The following GRM7 variants were observed in gnomAD, a reference collection of about 807,000 sequenced individuals.
The protein encoded by GRM7 is metabotropic glutamate receptor 7.
GRM7 carries 35 observed loss-of-function variants against 84.5 expected under a neutral mutation model. The observed-to-expected ratio is 0.41, with a 90% CI of 0.32 to 0.55. GRM7 has a LOEUF of 0.55. GRM7 is among the 20% of genes least tolerant of loss of function. The probability of loss-of-function intolerance (pLI) is 0.19; values close to 1 mark genes in which losing one functional copy is unlikely to be tolerated. For synonymous variants in GRM7, 487 were observed against 455.1 expected, an observed-to-expected ratio of 1.07 and a Z score of -0.89; for missense variants, 1,003 against 1,194.6, an observed-to-expected ratio of 0.84 and a Z score of 2.36.
intron 1 of GRM7, among the ~76,000 whole-genome samples, chr3:7,051,569 C>T (rs1697000326): frequency 6.6e-6 from 1 of 151,758 alleles, no homozygotes; most frequent in Non-Finnish European, 1.5e-5. Context: ...ACTCAAATTA[C>T]TGATGAAGGA....
chr3:7,224,845 A>C (rs1010319439), intron 2 of GRM7, among the ~76,000 whole-genome samples: 3 of 152,242 alleles, frequency 2.0e-5, no homozygotes, highest in Admixed American at 6.5e-5. Context: ...GAATGCGTGC[A>C]CCTAAGTCAC....
chr3:7,029,277 C>G (rs983690047), intron 1 of GRM7, among the ~76,000 whole-genome samples: 7 of 143,516 alleles, frequency 4.9e-5, no homozygotes, highest in Admixed American at 2.2e-4. Context: ...GCACTCTAGC[C>G]TGAGTGACAG....
chr3:6,868,787 G>A (rs1277730525), intron 1 of GRM7, among the ~76,000 whole-genome samples: 1 of 152,106 alleles, frequency 6.6e-6, no homozygotes, highest in Non-Finnish European at 1.5e-5. Context: ...ATGTTTGTGT[G>A]GGCCGTGGAG....
At chr3:7,663,205 G>A (rs1282970355) in intron 8 of GRM7, among the ~76,000 whole-genome samples, 1 of 152,156 alleles carries the variant, frequency 6.6e-6, no homozygotes, top group Non-Finnish European at 1.5e-5. Context: ...GAGAGAATCA[G>A]GATTGGGCTG....
chr3:6,999,382 G>A (rs1287751817), intron 1 of GRM7, among the ~76,000 whole-genome samples: 1 of 152,068 alleles, frequency 6.6e-6, no homozygotes, highest in African/African-American at 2.4e-5. Flanking sequence ...CCTGTCTTCT[G>A]AGCCTTCCAA....
chr3:6,872,975 C>T (rs189460454), intron 1 of GRM7, among the ~76,000 whole-genome samples: 137 of 152,256 alleles, frequency 9.0e-4, no homozygotes, highest in African/African-American at 3.2e-3. Flanking sequence ...TGGGTATATA[C>T]CCAGTAATGG....
chr3:7,024,251 G>A (rs1408310217), intron 1 of GRM7, among the ~76,000 whole-genome samples: 1 of 152,106 alleles, frequency 6.6e-6, no homozygotes, highest in African/African-American at 2.4e-5. Context: ...CCTCTATCTA[G>A]GTCAGGGAAG....
intron 4 of GRM7, among the ~76,000 whole-genome samples, chr3:7,388,422 C>G (rs1694868009): frequency 6.6e-6 from 1 of 151,954 alleles, no homozygotes; most frequent in Non-Finnish European, 1.5e-5. Flanking sequence ...TGTTTTCTTG[C>G]CAAATTTTGG....
At position 7,557,835 on chromosome 3, in the gene GRM7, G is replaced by T. The variant is rs563122609; in HGVS notation, c.1516-20587G>T. Among the ~76,000 whole-genome samples, 91 of 152,124 alleles carry T rather than the reference G, an allele frequency of 6.0e-4. No individual in the cohort carries two copies. In the South Asian group the frequency reaches 0.018, roughly 30 times the overall value. On this transcript the variant is annotated intron_variant, in intron 7 of 9. Transcript: ENST00000357716. ...TCTTAAGACAGCCTTTCCAAATAAG[G>T]CAGGATCACCCCACAGAACTTTTGA...
chr3:7,088,389 C>A (rs1277950184), intron 1 of GRM7, among the ~76,000 whole-genome samples: 1 of 151,998 alleles, frequency 6.6e-6, no homozygotes, highest in Non-Finnish European at 1.5e-5. Flanking sequence ...AAGCAAGAAT[C>A]TAAAATAGTT....
intron 1 of GRM7, among the ~76,000 whole-genome samples, chr3:7,003,633 G>A (rs1450859244): frequency 6.6e-6 from 1 of 152,108 alleles, no homozygotes; most frequent in Admixed American, 6.6e-5. Flanking sequence ...TTAAACATGT[G>A]CTTTAATTTT....
At chr3:7,417,262 C>G (rs1696203457) in intron 5 of GRM7, among the ~76,000 whole-genome samples, 1 of 151,924 alleles carries the variant, frequency 6.6e-6, no homozygotes. Context: ...TTTTTCCTTC[C>G]TCATCACTTT....
At chr3:6,968,331 TC>T (rs1325640608) in intron 1 of GRM7, among the ~76,000 whole-genome samples, 1 of 152,204 alleles carries the variant, frequency 6.6e-6, no homozygotes, top group Non-Finnish European at 1.5e-5. Flanking sequence ...CTCATTAGAG[TC>T]CACCCTAATG....
chr3:7,319,746 G>A (rs1700705914), intron 4 of GRM7, among the ~76,000 whole-genome samples: 1 of 151,934 alleles, frequency 6.6e-6, no homozygotes, highest in Non-Finnish European at 1.5e-5. Flanking sequence ...ACTGACAAAA[G>A]ATACTGTTTG....
At chr3:7,563,244 T>C (rs77756806) in intron 7 of GRM7, among the ~76,000 whole-genome samples, 4,526 of 152,222 alleles carry the variant, frequency 0.03, 101 homozygotes, top group African/African-American at 0.055. Context: ...TATTTAAAGC[T>C]AGTCAGATAC....
chr3:7,107,256 A>G (rs1306458782), intron 1 of GRM7, among the ~76,000 whole-genome samples: 1 of 152,032 alleles, frequency 6.6e-6, no homozygotes, highest in African/African-American at 2.4e-5. Flanking sequence ...TATACAGTCT[A>G]GTTTCTTTTT....
chr3:7,395,264 C>T (rs1389344338), intron 4 of GRM7, among the ~76,000 whole-genome samples: 1 of 152,110 alleles, frequency 6.6e-6, no homozygotes, highest in Non-Finnish European at 1.5e-5. Flanking sequence ...TCACATGTAT[C>T]TATGATGATG....
chr3:7,370,165 G>A (rs1440492796), intron 4 of GRM7, among the ~76,000 whole-genome samples: 1 of 151,934 alleles, frequency 6.6e-6, no homozygotes, highest in Admixed American at 6.6e-5. Context: ...GGTTTTTTTG[G>A]GTATCTGAAG....
chr3:7,346,173 T>A (rs1692885112), intron 4 of GRM7, among the ~76,000 whole-genome samples: 1 of 152,170 alleles, frequency 6.6e-6, no homozygotes, highest in Non-Finnish European at 1.5e-5. Context: ...TCATTATTCA[T>A]GGGCACTTGT....
Sources: allele counts gnomAD v4.1 joint callset (sites outside exome capture counted in the v4.1 genomes callset), GRCh38; gene constraint gnomAD v4.1.1; transcripts MANE v1.5; gene names NCBI Gene and HGNC (gene_info 2026-07-23, HGNC 2026-07-21).